Variants in TSPAN14 observed in about 807,000 individuals in gnomAD.
TSPAN14 encodes the protein tetraspanin-14.
TSPAN14 carries 16 observed loss-of-function variants against 36.6 expected under a neutral mutation model. The ratio of observed to expected loss-of-function variants is 0.44; its 90% confidence interval spans 0.30 to 0.66. The LOEUF (loss-of-function observed/expected upper bound fraction) is 0.66, where lower values mean the gene tolerates loss of function less well. TSPAN14 is among the 30% of genes least tolerant of loss of function. The pLI is 0.12. For missense variants in TSPAN14, 231 were observed against 355.1 expected (o/e 0.65, Z 2.81); for synonymous variants, 139 against 143.8 (o/e 0.97, Z 0.24).
chr10:80,489,720 CTT>C (rs780418358), intron 2 of TSPAN14, among the ~76,000 whole-genome samples: 25 of 152,184 alleles, frequency 1.6e-4, no homozygotes, highest in Non-Finnish European at 3.7e-4. Flanking sequence ...GCAATAAAGT[CTT>C]ATCCTTGTAG....
intron 1 of TSPAN14, among the ~76,000 whole-genome samples, chr10:80,480,300 A>G (rs1012934433): frequency 1.3e-5 from 2 of 151,944 alleles, no homozygotes; most frequent in Non-Finnish European, 1.5e-5. Flanking sequence ...TCTCCTGCCT[A>G]ATTGCCCTGG....
chr10:80,464,228 C>T (rs1434430087), intron 1 of TSPAN14, among the ~76,000 whole-genome samples: 1 of 152,200 alleles, frequency 6.6e-6, no homozygotes, highest in Non-Finnish European at 1.5e-5. Flanking sequence ...CTTCTCTGGC[C>T]TCCCTTGGCC....
chr10:80,463,018 A>C (rs1846061134), intron 1 of TSPAN14: 1 of 152,128 alleles, frequency 6.6e-6, no homozygotes, highest in African/African-American at 2.4e-5. Flanking sequence ...TTGGCAGCAG[A>C]TGGTCTGGTT....
intron 2 of TSPAN14, among the ~76,000 whole-genome samples, chr10:80,501,595 G>A (rs1002301552): frequency 1.3e-5 from 2 of 152,288 alleles, no homozygotes; most frequent in Non-Finnish European, 2.9e-5. Flanking sequence ...CAGGATGAGC[G>A]GACTGTCATG....
chr10:80,461,168 T>C (rs1042271917), intron 1 of TSPAN14, among the ~76,000 whole-genome samples: 2 of 152,160 alleles, frequency 1.3e-5, no homozygotes, highest in Admixed American at 6.5e-5. Flanking sequence ...CTGCCTCTCT[T>C]GAGGGCCGGC....
intron 2 of TSPAN14, among the ~76,000 whole-genome samples, chr10:80,490,002 G>A (rs1847838585): frequency 6.6e-6 from 1 of 152,206 alleles, no homozygotes; most frequent in Non-Finnish European, 1.5e-5. Flanking sequence ...CTGAGTAAGT[G>A]GGAGAAGGGA....
chr10:80,480,328 A>G (rs1025142314), intron 1 of TSPAN14, among the ~76,000 whole-genome samples: 4 of 152,114 alleles, frequency 2.6e-5, no homozygotes, highest in African/African-American at 9.7e-5. Context: ...TTCCAACACT[A>G]TGTTGAACAG....
intron 2 of TSPAN14, among the ~76,000 whole-genome samples, chr10:80,494,565 T>C (rs1267320976): frequency 6.6e-6 from 1 of 152,212 alleles, no homozygotes; most frequent in Non-Finnish European, 1.5e-5. Context: ...CCTCTGACTT[T>C]TATTATGCTC....
chr10:80,520,432 A>G (rs7099280), exon 9 of TSPAN14: 9,583 of 420,494 alleles, frequency 0.023, 813 homozygotes, highest in African/African-American at 0.18. Context: ...GGCACAGGGC[A>G]GGCCTCCTGT....
At chr10:80,520,173 A>G (rs949133182) in exon 9 of TSPAN14, 1 of 168,802 alleles carries the variant, frequency 5.9e-6, no homozygotes, top group Non-Finnish European at 1.3e-5. Flanking sequence ...GTGGGTGGCC[A>G]CAGACCCTCC....
intron 1 of TSPAN14, among the ~76,000 whole-genome samples, chr10:80,467,348 C>G (rs1225695567): frequency 2.6e-5 from 4 of 152,052 alleles, no homozygotes; most frequent in Non-Finnish European, 4.4e-5. Context: ...TTGTTGGACC[C>G]AAACAAGACT....
At chr10:80,467,687 C>T (rs1846318072) in intron 1 of TSPAN14, among the ~76,000 whole-genome samples, 1 of 152,114 alleles carries the variant, frequency 6.6e-6, no homozygotes, top group South Asian at 2.1e-4. Context: ...GCATTTCTTC[C>T]TCAGGTTCTT....
intron 1 of TSPAN14, among the ~76,000 whole-genome samples, chr10:80,480,962 TG>T (rs773254240): frequency 2.0e-5 from 3 of 152,080 alleles, no homozygotes; most frequent in Admixed American, 6.6e-5. Context: ...AAAAATTAGC[TG>T]GGCGTGGTGG....
exon 9 of TSPAN14, chr10:80,520,471 T>C (rs1043840738): frequency 4.4e-6 from 2 of 451,188 alleles, no homozygotes; most frequent in African/African-American, 4.0e-5. Context: ...TGGCCTGTCC[T>C]GAATCCCCGC....
chr10:80,481,401 AAATT>A (rs1453971856), intron 1 of TSPAN14, among the ~76,000 whole-genome samples: 1 of 152,224 alleles, frequency 6.6e-6, no homozygotes, highest in East Asian at 1.9e-4. Flanking sequence ...AATTCATAGA[AAATT>A]AAGCAAACAA....
At chr10:80,503,928 T>G (rs2132040411) in intron 2 of TSPAN14, among the ~76,000 whole-genome samples, 2 of 152,270 alleles carry the variant, frequency 1.3e-5, no homozygotes, top group South Asian at 4.1e-4. Context: ...TGTTTTGTTG[T>G]ATATGGAAAA....
chr10:80,457,485 G>A (rs1326302262), intron 1 of TSPAN14, among the ~76,000 whole-genome samples: 1 of 152,166 alleles, frequency 6.6e-6, no homozygotes, highest in African/African-American at 2.4e-5. Context: ...CACTGTGCCG[G>A]ACCAGGTTTT....
chr10:80,490,319 G>A (rs534015067), intron 2 of TSPAN14, among the ~76,000 whole-genome samples: 35 of 152,272 alleles, frequency 2.3e-4, no homozygotes, highest in Admixed American at 7.2e-4. Context: ...CAGAGGAAGG[G>A]CTGGACCAGA....
chr10:80,512,415 C>T, intron 6 of TSPAN14, 146 bp downstream of exon 6: 1 of 1,241,188 alleles, frequency 8.1e-7, no homozygotes, highest in Non-Finnish European at 1.1e-6. Context: ...TCAAGGCTGC[C>T]TCAGCTCTGA....
Sources: gnomAD v4.1 joint callset for allele counts (sites outside exome capture counted in the v4.1 genomes callset) on GRCh38, gnomAD v4.1.1 for gene constraint, MANE v1.5 for transcripts, NCBI Gene and HGNC (gene_info 2026-07-23, HGNC 2026-07-21) for gene names.